Variants in ASIC2 observed in about 807,000 individuals in gnomAD.
ASIC2 encodes the protein acid sensing ion channel subunit 2, also known as acid-sensing ion channel 2.
Under a neutral mutation model 57.3 loss-of-function variants are expected in ASIC2, and 25 were observed. The ratio of observed to expected loss-of-function variants is 0.44; its 90% CI spans 0.32 to 0.61. The LOEUF is 0.61. Among genes scored for constraint, ASIC2 ranks in the 20% least tolerant of loss-of-function variants. The pLI, the probability that ASIC2 is intolerant of heterozygous loss-of-function variation, is 0.06. For missense variants in ASIC2, 641 were observed against 738.1 expected (o/e 0.87, Z 1.52); for synonymous variants, 319 against 307.5 (o/e 1.04, Z -0.39).
intron 1 of ASIC2, among the ~76,000 whole-genome samples, chr17:33,327,846 A>T (rs1907138980): frequency 6.6e-6 from 1 of 152,170 alleles, no homozygotes; most frequent in African/African-American, 2.4e-5. Context: ...GTCATACTGG[A>T]TTAGGGTAGG....
intron 1 of ASIC2, among the ~76,000 whole-genome samples, chr17:33,535,012 A>ATT (rs1567642308): frequency 6.6e-6 from 1 of 152,170 alleles, no homozygotes; most frequent in African/African-American, 2.4e-5. Context: ...CTGTGGGGTA[A>ATT]GTATTAGGAT....
intron 1 of ASIC2, among the ~76,000 whole-genome samples, chr17:33,691,114 C>T (rs1908354239): frequency 6.6e-6 from 1 of 152,108 alleles, no homozygotes. Flanking sequence ...CTAATTTATT[C>T]AGTTCATATA....
At chr17:33,466,366 C>A (rs1197424805) in intron 1 of ASIC2, among the ~76,000 whole-genome samples, 1 of 152,190 alleles carries the variant, frequency 6.6e-6, no homozygotes, top group Non-Finnish European at 1.5e-5. Flanking sequence ...GAAGAACATT[C>A]CATGCTCATG....
intron 1 of ASIC2, among the ~76,000 whole-genome samples, chr17:33,510,818 A>T (rs1379758074): frequency 1.3e-5 from 2 of 152,048 alleles, no homozygotes; most frequent in Non-Finnish European, 2.9e-5. Context: ...AGCATCTGAG[A>T]GTGCAACCCC....
intron 1 of ASIC2, among the ~76,000 whole-genome samples, chr17:33,417,770 C>T (rs1358019960): frequency 1.3e-5 from 2 of 152,156 alleles, no homozygotes; most frequent in South Asian, 2.1e-4. Flanking sequence ...TGATCCAGGA[C>T]ACTCACTGGG....
chr17:33,824,404 A>G (rs1912844225), intron 1 of ASIC2, among the ~76,000 whole-genome samples: 1 of 151,876 alleles, frequency 6.6e-6, no homozygotes, highest in African/African-American at 2.4e-5. Flanking sequence ...ATAATTTTAT[A>G]CTTTTAACAT....
intron 1 of ASIC2, among the ~76,000 whole-genome samples, chr17:33,348,779 G>T (rs1321051717): frequency 6.6e-6 from 1 of 152,084 alleles, no homozygotes; most frequent in Non-Finnish European, 1.5e-5. Flanking sequence ...TCTCTCCTGA[G>T]GTTGCATAGT....
At chr17:34,004,349 A>G (rs1259117134) in intron 1 of ASIC2, 1 of 152,122 alleles carries the variant, frequency 6.6e-6, no homozygotes, top group Non-Finnish European at 1.5e-5. Context: ...CCACCACATC[A>G]CTCAGTGAAG....
chr17:33,820,049 A>G (rs1054136982), intron 1 of ASIC2, among the ~76,000 whole-genome samples: 3 of 152,300 alleles, frequency 2.0e-5, no homozygotes, highest in Middle Eastern at 3.4e-3. Context: ...ACAATGATAG[A>G]GGCCCCAGCT....
At chr17:33,150,348 G>T (rs1485942945) in intron 1 of ASIC2, among the ~76,000 whole-genome samples, 6 of 152,098 alleles carry the variant, frequency 3.9e-5, no homozygotes, top group Non-Finnish European at 8.8e-5. Context: ...TGCCCTACTT[G>T]CTGTTCAGGG....
intron 1 of ASIC2, chr17:34,051,605 G>A (rs902497993): frequency 1.3e-5 from 2 of 152,144 alleles, no homozygotes; most frequent in African/African-American, 2.4e-5. Context: ...TGCCTCCTTT[G>A]CTTTTGGATT....
chr17:34,149,114 C>CTTTT lies in ASIC2; in HGVS notation c.555+6860_555+6863dup, dbSNP rs34036498. On this transcript the variant is annotated intron_variant, in intron 1 of 9. Transcript: ENST00000359872. ...TTTTCTTTTTTCTTTTTTTTCTTTT[C>CTTTT]TTTTTTTTTTGAGACAGTGTCTCGC... is the stretch of plus-strand genomic sequence containing the variant. Among the ~76,000 whole-genome samples, 69 of 141,802 alleles carry CTTTT rather than the reference C, an allele frequency of 4.9e-4. 1 individual carries two copies. Among genetic ancestry groups the CTTTT allele is most frequent in the Non-Finnish European group, 2.5e-4 (16 of 65,240 alleles). 93.0% of individuals were successfully genotyped at this position (141,802 alleles called of 152,430 possible).
chr17:33,055,614 C>T (rs1377179068), intron 3 of ASIC2, among the ~76,000 whole-genome samples: 2 of 152,142 alleles, frequency 1.3e-5, no homozygotes, highest in Admixed American at 6.5e-5. Context: ...AGGGCTTAAG[C>T]GATCTTTCCT....
At chr17:33,309,936 C>A (rs932983403) in intron 1 of ASIC2, among the ~76,000 whole-genome samples, 15 of 144,810 alleles carry the variant, frequency 1.0e-4, no homozygotes, top group African/African-American at 3.9e-4. Context: ...AATGCCATGA[C>A]TCCTCCCCTC....
intron 1 of ASIC2, among the ~76,000 whole-genome samples, chr17:33,625,217 A>G (rs564524452): frequency 1.4e-4 from 21 of 151,792 alleles, no homozygotes; most frequent in Admixed American, 2.6e-4. Flanking sequence ...CTATCTATCT[A>G]TCTATCTGTC....
intron 1 of ASIC2, among the ~76,000 whole-genome samples, chr17:34,083,849 G>A (rs112052561): frequency 0.18 from 27,129 of 152,078 alleles, 3,049 homozygotes; most frequent in African/African-American, 0.32. Flanking sequence ...CAGGTCCTTC[G>A]CCCACTTTTT....
chr17:33,880,983 C>T (rs368863076), intron 1 of ASIC2, among the ~76,000 whole-genome samples: 3 of 152,238 alleles, frequency 2.0e-5, no homozygotes, highest in South Asian at 4.1e-4. Flanking sequence ...CGTAATCCAG[C>T]ATATAAACAG....
intron 1 of ASIC2, among the ~76,000 whole-genome samples, chr17:33,995,395 C>T (rs1238146711): frequency 2.0e-5 from 3 of 151,976 alleles, no homozygotes; most frequent in Non-Finnish European, 2.9e-5. Flanking sequence ...CTTTACCCAC[C>T]TCTTCTACCT....
chr17:33,911,554 G>A (rs939373179), intron 1 of ASIC2, among the ~76,000 whole-genome samples: 1 of 152,144 alleles, frequency 6.6e-6, no homozygotes, highest in Admixed American at 6.5e-5. Context: ...CCAGACCTAG[G>A]TATACGACCA....
Sources: gnomAD v4.1 joint callset for allele counts (sites outside exome capture counted in the v4.1 genomes callset) on GRCh38, gnomAD v4.1.1 for gene constraint, MANE v1.5 for transcripts, NCBI Gene and HGNC (gene_info 2026-07-23, HGNC 2026-07-21) for gene names.